The following NBEA variants were observed in gnomAD, a reference collection of about 807,000 sequenced individuals.
The protein encoded by NBEA is neurobeachin.
A neutral mutation model predicts 343.4 loss-of-function variants in NBEA; 44 were observed. The ratio of observed to expected loss-of-function variants is 0.13; its 90% CI spans 0.10 to 0.16. The LOEUF (loss-of-function observed/expected upper bound fraction) is 0.16. NBEA is among the 10% of genes least tolerant of loss of function. The pLI is 1.00. For missense variants in NBEA, 2,555 were observed against 3,631.3 expected (o/e 0.70, Z 7.62); for synonymous variants, 1,175 against 1,238.7 (o/e 0.95, Z 1.08).
At chr13:34,956,611 G>T (rs2059500096) in intron 1 of NBEA, among the ~76,000 whole-genome samples, 1 of 151,902 alleles carries the variant, frequency 6.6e-6, no homozygotes, top group South Asian at 2.1e-4. Context: ...ATCAAATTGG[G>T]GTAGTTAGCA....
At chr13:35,578,730 G>C (rs1417386990) in intron 45 of NBEA, among the ~76,000 whole-genome samples, 3 of 152,066 alleles carry the variant, frequency 2.0e-5, no homozygotes, top group Non-Finnish European at 4.4e-5. Context: ...GTGAACTCTT[G>C]AACATTTTAT....
At chr13:34,965,965 A>AGG (rs1426332576) in intron 1 of NBEA, among the ~76,000 whole-genome samples, 1 of 152,056 alleles carries the variant, frequency 6.6e-6, no homozygotes, top group Non-Finnish European at 1.5e-5. Context: ...TAATATTAGT[A>AGG]GGAGCTCTTC....
At chr13:35,117,589 T>A in intron 14 of NBEA, 96 bp downstream of exon 14, 1 of 474,546 alleles carries the variant, frequency 2.1e-6, no homozygotes, top group Non-Finnish European at 3.2e-6. Flanking sequence ...TAGCTACCTT[T>A]AATTCATGAA....
intron 41 of NBEA, among the ~76,000 whole-genome samples, chr13:35,483,606 T>C (rs549609334): frequency 5.1e-4 from 77 of 152,178 alleles, no homozygotes; most frequent in African/African-American, 1.8e-3. Flanking sequence ...AATGATGCTC[T>C]TTCAAATATT....
At chr13:35,062,465 A>C (rs1391851699) in intron 8 of NBEA, among the ~76,000 whole-genome samples, 1 of 151,848 alleles carries the variant, frequency 6.6e-6, no homozygotes, top group East Asian at 1.9e-4. Context: ...ATTTGGTAAA[A>C]GGCTTACATT....
intron 17 of NBEA, among the ~76,000 whole-genome samples, chr13:35,128,498 G>A (rs1318067113): frequency 6.6e-6 from 1 of 152,124 alleles, no homozygotes; most frequent in African/African-American, 2.4e-5. Flanking sequence ...TAAACTTGTG[G>A]GTCGGTGTGT....
At chr13:35,261,804 A>G (rs1053736668) in intron 34 of NBEA, among the ~76,000 whole-genome samples, 66 of 152,316 alleles carry the variant, frequency 4.3e-4, no homozygotes, top group Admixed American at 4.2e-3. Context: ...GAGTTCAAGG[A>G]AAAGGGGTTG....
chr13:35,106,331 A>G (rs1356117279), intron 11 of NBEA, among the ~76,000 whole-genome samples: 1 of 152,006 alleles, frequency 6.6e-6, no homozygotes, highest in Non-Finnish European at 1.5e-5. Flanking sequence ...ATCAAAGGAA[A>G]TACATTTAAA....
chr13:35,463,618 G>C lies in NBEA; in HGVS notation c.6449-8782G>C, dbSNP rs548500631. On this transcript the variant is annotated intron_variant, in intron 40 of 58. Transcript: ENST00000379939. ...CTGGGTGACACAGTGAGACTCCGTC[G>C]CAAAAAAAAACAAACCAGAAAAAGT... 2.2e-4 allele frequency among the ~76,000 whole-genome samples: 33 copies of C among 151,128 alleles called. 1 individual carries two copies. The South Asian group carries it at 6.7e-3, about 31-fold the overall frequency.
intron 10 of NBEA, among the ~76,000 whole-genome samples, chr13:35,097,446 A>T (rs1229271882): frequency 6.6e-6 from 1 of 152,002 alleles, no homozygotes; most frequent in African/African-American, 2.4e-5. Context: ...CTGGTCTATA[A>T]CAATTTATTT....
intron 18 of NBEA, among the ~76,000 whole-genome samples, 159 bp from the exon 19 acceptor site, chr13:35,155,615 C>G (rs2152707813): frequency 6.6e-6 from 1 of 152,214 alleles, no homozygotes; most frequent in South Asian, 2.1e-4. Context: ...GAGTGAAACT[C>G]CGTCTTGAAA....
intron 1 of NBEA, among the ~76,000 whole-genome samples, chr13:34,976,920 G>C (rs1021079123): frequency 6.7e-6 from 1 of 149,894 alleles, no homozygotes; most frequent in Non-Finnish European, 1.5e-5. Flanking sequence ...TGCTTCTAGA[G>C]AACTTTTCTT....
At chr13:35,391,396 C>T (rs2042493691) in intron 38 of NBEA, among the ~76,000 whole-genome samples, 1 of 151,810 alleles carries the variant, frequency 6.6e-6, no homozygotes, top group Admixed American at 6.6e-5. Flanking sequence ...TCATGTTGTA[C>T]ACATAGAAGA....
intron 41 of NBEA, among the ~76,000 whole-genome samples, chr13:35,501,013 C>T (rs538531984): frequency 2.2e-4 from 34 of 152,164 alleles, no homozygotes; most frequent in Admixed American, 1.2e-3. Context: ...CAGTTCCATG[C>T]GTGGGATATC....
rs138521876 is a variant in NBEA, at chr13:35,279,781, T to C, written c.5777-10608T>C. Among the ~76,000 whole-genome samples the C allele has an allele frequency of 3.5e-3, 533 of 152,202 alleles. 2 individuals are homozygous for C. The highest frequency in any genetic ancestry group is 0.01 in the Middle Eastern group (3 of 294). ...AAAACACAATTTTTCCCATTACACA[T>C]GCCCCTTAATTAGGTAGCGTTACCA... On this transcript the variant is annotated intron_variant, in intron 34 of 58. Transcript: ENST00000379939.
In NBEA at chr13:35,125,373, G is replaced by C. The variant is rs535080664; in HGVS notation, c.2336+1799G>C. The stretch of plus-strand genomic sequence containing the variant: ...GTGAAAGTAGAGTTTCTGAAGATGA[G>C]AGGCACACCTTAAATTACAAAAATA... On this transcript the variant is annotated intron_variant, in intron 17 of 58. Coordinates refer to ENST00000379939, the MANE Select transcript of NBEA (RefSeq NM_001385012.1). 2.6e-5 allele frequency among the ~76,000 whole-genome samples: 4 copies of C among 152,296 alleles called. No homozygotes were observed. In the South Asian group the frequency reaches 8.3e-4, roughly 32 times the overall value.
chr13:35,053,270 CTGTTTT>C (rs1015518130), intron 6 of NBEA, among the ~76,000 whole-genome samples: 1 of 151,972 alleles, frequency 6.6e-6, no homozygotes, highest in Non-Finnish European at 1.5e-5. Flanking sequence ...TGGTCTTTGC[CTGTTTT>C]TGTTTTTGTG....
At chr13:35,524,426 C>G (rs1414162960) in intron 41 of NBEA, among the ~76,000 whole-genome samples, 3 of 152,134 alleles carry the variant, frequency 2.0e-5, no homozygotes, top group African/African-American at 7.2e-5. Context: ...CTCCCATTCC[C>G]CCAAGTACTT....
intron 38 of NBEA, among the ~76,000 whole-genome samples, chr13:35,384,723 A>G (rs1016035955): frequency 1.3e-5 from 2 of 151,878 alleles, no homozygotes; most frequent in African/African-American, 4.8e-5. Flanking sequence ...ACGGGGTTTC[A>G]CCATGTTGGC....
Sources: allele counts gnomAD v4.1 joint callset (sites outside exome capture counted in the v4.1 genomes callset), GRCh38; gene constraint gnomAD v4.1.1; transcripts MANE v1.5; gene names NCBI Gene and HGNC (gene_info 2026-07-23, HGNC 2026-07-21).